The following TAF5L variants were observed in gnomAD, a reference collection of about 807,000 sequenced individuals.
The protein encoded by TAF5L is TATA-box binding protein associated factor 5 like, also known as TAF5-like RNA polymerase II p300/CBP-associated factor-associated factor 65 kDa subunit 5L.
A neutral mutation model predicts 51.3 loss-of-function variants in TAF5L; 7 were observed. The observed-to-expected ratio is 0.14, with a 90% CI of 0.08 to 0.26. TAF5L has a LOEUF of 0.26. Ranked by LOEUF, TAF5L falls within the 10% of genes least tolerant of loss-of-function variation. The probability of loss-of-function intolerance (pLI) is 1.00; values close to 1 mark genes in which losing one functional copy is unlikely to be tolerated. For missense variants in TAF5L, 575 were observed against 758.9 expected (o/e 0.76, Z 2.85); for synonymous variants, 291 against 308.1 (o/e 0.94, Z 0.58).
rs1196209219 is a variant in TAF5L, at chr1:229,625,930, G to C, written c.-49C>G. Reference sequence around the variant, plus strand: ...GGCTCCCCCCGCCGCCGCCGCCTCCGGGATCGGGTTGCTTCCGCCTCCGTC... The same window carrying C: ...GGCTCCCCCCGCCGCCGCCGCCTCCCGGATCGGGTTGCTTCCGCCTCCGTC... On this transcript the variant is annotated 5_prime_UTR_variant, in exon 1 of 5. Transcript: ENST00000258281. This position sits in a 1 kb window ranked among gnomAD's most constrained non-coding sequence, Gnocchi z 4.0. 2 of 144,336 alleles carry C rather than the reference G, an allele frequency of 1.4e-5. No individual in the cohort carries two copies. Among genetic ancestry groups the C allele is most frequent in the Non-Finnish European group, 3.1e-5 (2 of 65,178 alleles). 8.9% of individuals were successfully genotyped at this position (144,336 alleles called of 1,614,324 possible). A position where few individuals can be genotyped will look rare whatever the true frequency, so the allele number is the denominator to read the frequency against.
chr1:229,609,168 C>G (rs574480267), intron 3 of TAF5L, among the ~76,000 whole-genome samples: 1 of 152,246 alleles, frequency 6.6e-6, no homozygotes, highest in African/African-American at 2.4e-5. Context: ...ATGAGGAAAA[C>G]AGACACAAAA....
At chr1:229,601,931 G>C (rs1184940194) in intron 4 of TAF5L, 1 of 1,244,946 alleles carries the variant, frequency 8.0e-7, no homozygotes, top group African/African-American at 1.5e-5. Context: ...TCTTTCATTA[G>C]GCTTAGTGTT....
At chr1:229,605,697 C>CCAAT (rs892842200) in intron 3 of TAF5L, among the ~76,000 whole-genome samples, 6 of 151,908 alleles carry the variant, frequency 3.9e-5, no homozygotes, top group Non-Finnish European at 7.4e-5. Flanking sequence ...TGGGCCTCAT[C>CCAAT]CAATCAATCA....
intron 1 of TAF5L, among the ~76,000 whole-genome samples, chr1:229,615,193 T>C (rs920322623): frequency 6.6e-5 from 10 of 152,138 alleles, no homozygotes; most frequent in African/African-American, 2.4e-4. Context: ...GTTCACGCCA[T>C]TCTCCTGTCT....
chr1:229,607,282 C>A, intron 3 of TAF5L: 1 of 985,418 alleles, frequency 1.0e-6, no homozygotes, highest in Non-Finnish European at 1.2e-6. Context: ...CTGTCAAATT[C>A]TGGTCCTTTC....
At chr1:229,600,129 A>G (rs939192297) in intron 4 of TAF5L, 39 of 985,310 alleles carry the variant, frequency 4.0e-5, no homozygotes, top group Non-Finnish European at 4.6e-5. Flanking sequence ...AGAAAAGTCC[A>G]AATTTTCACT....
intron 3 of TAF5L, among the ~76,000 whole-genome samples, chr1:229,608,333 C>T (rs1664669997): frequency 6.6e-6 from 1 of 152,054 alleles, no homozygotes. Flanking sequence ...AGAGAATAGT[C>T]TGTTTAATAG....
rs142786058 is a variant in TAF5L, at chr1:229,615,817, T to C, written c.-3-1332A>G. ...TACTTTCCCCTCCAGGACCAAAATA[T>C]TGTGTCCATTTTGGAATGCATTTCA... On this transcript the variant is annotated intron_variant, in intron 1 of 4. Transcript: ENST00000258281. Among the ~76,000 whole-genome samples, 197 of 152,302 alleles carry C rather than the reference T, an allele frequency of 1.3e-3. 2 individuals carry two copies. The Middle Eastern group carries it at 0.02, about 16-fold the overall frequency.
At chr1:229,614,577 G>A (rs1018469269) in intron 1 of TAF5L, 92 bp from the exon 2 acceptor site, 2 of 1,512,652 alleles carry the variant, frequency 1.3e-6, no homozygotes, top group Non-Finnish European at 1.8e-6. Flanking sequence ...TAGGACACAT[G>A]GGAGAGAAAG....
In TAF5L at chr1:229,594,935, C is replaced by T; in HGVS notation, c.1132G>A (p.Val378Met). 17 of 1,614,236 alleles carry T rather than the reference C, an allele frequency of 1.1e-5. No individual in the cohort carries two copies. The highest frequency in any genetic ancestry group is 1.4e-5 in the Non-Finnish European group (17 of 1,180,044). The change falls in exon 5 of 5, where the codon GTG becomes ATG. Residue 378 changes from valine (V) to methionine (M), a missense_variant. Val to Met is a conservative substitution (Grantham distance 21, BLOSUM62 1). This residue lies in a region of TAF5L where 104 missense variants were observed against 218.3 expected (regional missense o/e 0.48). Coordinates refer to ENST00000258281, the Ensembl canonical transcript of TAF5L. This position sits in a 1 kb window ranked among gnomAD's most constrained non-coding sequence, Gnocchi z 7.9. ...GGATAGGCATGTCCTTGGTACAACACAGTGTTGGTGAAACTCCCCAGATCC... is the reference window on the plus strand; with the variant it reads ...GGATAGGCATGTCCTTGGTACAACATAGTGTTGGTGAAACTCCCCAGATCC...
chr1:229,620,687 G>A (rs1665168834), intron 1 of TAF5L, among the ~76,000 whole-genome samples: 1 of 152,144 alleles, frequency 6.6e-6, no homozygotes, highest in Non-Finnish European at 1.5e-5. Flanking sequence ...CTGTTTTACA[G>A]CACAGAAAAA....
In TAF5L at chr1:229,604,117, A is replaced by G. The variant is rs998377808; in HGVS notation, c.248-1198T>C. ...TTTAGATCTAGTGTAATGTTTGTAC[A>G]TATTTAAATAAATTAAAATAAAAAT... On this transcript the variant is annotated intron_variant, in intron 3 of 4. Transcript: ENST00000258281. Among the ~76,000 whole-genome samples, 7 of 152,012 alleles carry G rather than the reference A, an allele frequency of 4.6e-5. No homozygotes were observed. The East Asian group carries it at 1.2e-3, about 25-fold the overall frequency.
chr1:229,621,754 TA>T (rs1238605583), intron 1 of TAF5L, among the ~76,000 whole-genome samples: 1 of 152,244 alleles, frequency 6.6e-6, no homozygotes, highest in African/African-American at 2.4e-5. Context: ...TCTATTAATT[TA>T]CACATATCTA....
chr1:229,620,034 CA>C (rs1267917784), intron 1 of TAF5L, among the ~76,000 whole-genome samples: 2 of 151,802 alleles, frequency 1.3e-5, no homozygotes. Context: ...AAAAACAAAA[CA>C]AAAGAAAACA....
At position 229,625,738 on chromosome 1, in the gene TAF5L, C is replaced by A. The variant is rs2102772594; in HGVS notation, c.-4+147G>T. 1 of 143,512 alleles carries A rather than the reference C, an allele frequency of 7.0e-6. No homozygotes were observed. Among genetic ancestry groups the A allele is most frequent in the East Asian group, 2.1e-4 (1 of 4,836 alleles). The allele number at this position is 143,512 out of a possible 1,614,324, so 8.9% of individuals were successfully genotyped here. ...CAGAGCCGCCCGCCGCCCCCCAGCC[C>A]CGCCTCCCGCGCCCCACCCCCACCG... On this transcript the variant is annotated intron_variant, in intron 1 of 4. Transcript: ENST00000258281. This position sits in a 1 kb window ranked among gnomAD's most constrained non-coding sequence, Gnocchi z 4.0.
intron 1 of TAF5L, among the ~76,000 whole-genome samples, chr1:229,622,445 G>T (rs901598287): frequency 1.3e-5 from 2 of 152,078 alleles, no homozygotes; most frequent in Admixed American, 1.3e-4. Context: ...TAAGAGGGAA[G>T]GCTGCCTGGT....
In TAF5L at chr1:229,614,994, G is replaced by A. The variant is rs182671568; in HGVS notation, c.-3-509C>T. Reference sequence around the variant, plus strand: ...AGCATGAAGTTAACAATGGTGAAGGGGATTGTGATATTTTTGCTTAATAGC... The same window carrying A: ...AGCATGAAGTTAACAATGGTGAAGGAGATTGTGATATTTTTGCTTAATAGC... On this transcript the variant is annotated intron_variant, in intron 1 of 4. Transcript: ENST00000258281. Among the ~76,000 whole-genome samples, 13 of 152,306 alleles carry A rather than the reference G, an allele frequency of 8.5e-5. No homozygotes were observed. In the East Asian group the frequency reaches 2.5e-3, roughly 29 times the overall value.
Position 229,624,442 on chromosome 1 carries a change from G to A in TAF5L, c.-4+1443C>T, listed in dbSNP as rs141425208. 7.9e-5 allele frequency among the ~76,000 whole-genome samples: 12 copies of A among 152,206 alleles called. No homozygotes were observed. In the East Asian group the frequency reaches 2.3e-3, roughly 29 times the overall value. ...CTTAGGACTACAGGGAACCTAGAAG[G>A]TATTTTGCCAAAAAGGAAACGATAA... is the stretch of plus-strand genomic sequence containing the variant. On this transcript the variant is annotated intron_variant, in intron 1 of 4. Transcript: ENST00000258281.
chr1:229,617,357 C>T (rs545678510), intron 1 of TAF5L, among the ~76,000 whole-genome samples: 1 of 152,298 alleles, frequency 6.6e-6, no homozygotes, highest in Admixed American at 6.5e-5. Context: ...ACGAGTCAAT[C>T]CAACCAGTGC....
Sources: gnomAD v4.1 joint callset for allele counts (sites outside exome capture counted in the v4.1 genomes callset) on GRCh38, gnomAD v4.1.1 for gene constraint, gnomAD v4.1.1 regional missense constraint, Gnocchi (gnomAD v3.1) non-coding constraint, MANE v1.5 for transcripts, NCBI Gene and HGNC (gene_info 2026-07-23, HGNC 2026-07-21) for gene names.